Variants in SUMF1 observed in about 807,000 individuals in gnomAD.
SUMF1 encodes sulfatase modifying factor 1, also known as formylglycine-generating enzyme.
In SUMF1, 48 loss-of-function variants were observed where a neutral mutation model predicts 47.6. The ratio of observed to expected loss-of-function variants is 1.01; its 90% CI spans 0.80 to 1.28. The LOEUF is 1.28. Ranked by LOEUF, SUMF1 falls within the 50% of genes most tolerant of loss-of-function variation. SUMF1 has a pLI of 0.00. For synonymous variants in SUMF1, 230 were observed against 192.1 expected (o/e 1.20, Z -1.63); for missense variants, 571 against 485.4 (o/e 1.18, Z -1.66).
chr3:4,303,694 C>A (rs1238839331), intron 8 of SUMF1: 2 of 1,500,096 alleles, frequency 1.3e-6, no homozygotes, highest in South Asian at 2.5e-5. Context: ...GGGCCTTTTT[C>A]TGTTGACCCA....
chr3:4,445,630 C>T (rs1702755159), intron 3 of SUMF1, among the ~76,000 whole-genome samples: 1 of 152,176 alleles, frequency 6.6e-6, no homozygotes, highest in African/African-American at 2.4e-5. Flanking sequence ...TGGGCATGAG[C>T]CACCATGCCT....
In SUMF1 at chr3:4,376,396, A is replaced by G; in HGVS notation, c.955-7T>C. 1.9e-6 allele frequency: 3 copies of G among 1,614,110 alleles called. No individual in the cohort carries two copies. The South Asian group carries it at 3.3e-5, about 18-fold the overall frequency. On this transcript the variant is annotated splice_polypyrimidine_tract_variant and splice_region_variant and intron_variant, in intron 7 of 8. Coordinates refer to ENST00000272902, the MANE Select transcript of SUMF1 (RefSeq NM_182760.4). ...TCCCAGAAGGGGGACCTTTCTACAG[A>G]TGAAGAAAAAAGGCTATGTTAGACC... is the stretch of plus-strand genomic sequence containing the variant.
At chr3:4,412,985 C>T (rs1338153904) in intron 6 of SUMF1, among the ~76,000 whole-genome samples, 1 of 152,108 alleles carries the variant, frequency 6.6e-6, no homozygotes, top group East Asian at 1.9e-4. Context: ...AATCAGTCTG[C>T]CTGAGGTCCT....
At chr3:4,418,441 G>A (rs1701789281) in intron 4 of SUMF1, among the ~76,000 whole-genome samples, 1 of 152,208 alleles carries the variant, frequency 6.6e-6, no homozygotes, top group African/African-American at 2.4e-5. Context: ...CTGCTAGGAG[G>A]GCCAGCAGGA....
intron 8 of SUMF1, among the ~76,000 whole-genome samples, chr3:4,069,393 A>G (rs1559443360): frequency 2.0e-5 from 3 of 152,196 alleles, no homozygotes; most frequent in African/African-American, 7.2e-5. Flanking sequence ...TTAAATATTC[A>G]GCTGTCATGG....
intron 8 of SUMF1, among the ~76,000 whole-genome samples, chr3:4,253,614 C>T (rs1696863389): frequency 6.6e-6 from 1 of 151,742 alleles, no homozygotes; most frequent in Admixed American, 6.5e-5. Context: ...GGGTCCTACG[C>T]CCAAGGAATC....
intron 8 of SUMF1, among the ~76,000 whole-genome samples, chr3:4,163,315 C>T (rs1694621465): frequency 7.5e-6 from 1 of 132,774 alleles, no homozygotes. Context: ...CCCTTTTTAA[C>T]CTTCCTTTTC....
At chr3:4,271,239 C>G (rs1697295621) in intron 8 of SUMF1, among the ~76,000 whole-genome samples, 1 of 152,044 alleles carries the variant, frequency 6.6e-6, no homozygotes, top group African/African-American at 2.4e-5. Flanking sequence ...TCCTAAAATA[C>G]AAGAAAAGGA....
intron 8 of SUMF1, among the ~76,000 whole-genome samples, chr3:4,107,909 T>A (rs1693194693): frequency 1.3e-5 from 2 of 151,994 alleles, no homozygotes; most frequent in African/African-American, 4.8e-5. Flanking sequence ...ACTAAATACA[T>A]GAGCTGTTTG....
Position 4,316,935 on chromosome 3 carries a change from G to A in SUMF1, c.1014+59395C>T, listed in dbSNP as rs1172709873. On this transcript the variant is annotated intron_variant and NMD_transcript_variant, in intron 8 of 12. Coordinates refer to the SUMF1 transcript ENST00000448413. ...GCAGCTGGCATTGGTCAACAGAAAG[G>A]GCCCAATTCTTCTCCACGACAATGC... is the stretch of plus-strand genomic sequence containing the variant. 2.6e-6 allele frequency: 4 copies of A among 1,549,298 alleles called. No individual in the cohort carries two copies. In the East Asian group the frequency reaches 9.8e-5, roughly 38 times the overall value.
chr3:4,433,211 G>A (rs1207473046), intron 3 of SUMF1, among the ~76,000 whole-genome samples: 3 of 152,174 alleles, frequency 2.0e-5, no homozygotes, highest in Non-Finnish European at 2.9e-5. Flanking sequence ...CAGAATCATT[G>A]TTACCTCTTA....
At chr3:4,225,063 T>C (rs965394440) in intron 8 of SUMF1, among the ~76,000 whole-genome samples, 4 of 152,190 alleles carry the variant, frequency 2.6e-5, no homozygotes, top group Admixed American at 6.5e-5. Flanking sequence ...GAAGTGGCCA[T>C]GTACCAAATT....
intron 8 of SUMF1, among the ~76,000 whole-genome samples, chr3:4,079,997 C>T (rs189507285): frequency 1.1e-4 from 16 of 151,902 alleles, no homozygotes; most frequent in East Asian, 1.9e-4. Context: ...CTCTGGACTT[C>T]GGTGTCCTTA....
chr3:4,325,708 C>T (rs115419119), intron 8 of SUMF1, among the ~76,000 whole-genome samples: 2,501 of 152,030 alleles, frequency 0.016, 54 homozygotes, highest in African/African-American at 0.043. Context: ...AAGGAAAGCA[C>T]AGTTTTAGTT....
chr3:4,037,745 C>G (rs926609209), intron 9 of SUMF1, among the ~76,000 whole-genome samples: 5 of 152,156 alleles, frequency 3.3e-5, no homozygotes, highest in Admixed American at 3.3e-4. Context: ...TTTGGGTTGC[C>G]AGAGTTCTTA....
chr3:4,419,282 T>A (rs961728396), intron 4 of SUMF1, among the ~76,000 whole-genome samples: 1 of 152,160 alleles, frequency 6.6e-6, no homozygotes, highest in Non-Finnish European at 1.5e-5. Flanking sequence ...GGCTTCCAAT[T>A]GAGGCTTTGA....
intron 1 of SUMF1, among the ~76,000 whole-genome samples, chr3:4,455,286 C>G (rs1294518979): frequency 6.6e-6 from 1 of 151,960 alleles, no homozygotes; most frequent in Non-Finnish European, 1.5e-5. Context: ...TACTTATAAA[C>G]AATTATATAT....
intron 8 of SUMF1, among the ~76,000 whole-genome samples, chr3:4,363,866 T>C (rs1008993100): frequency 1.4e-5 from 2 of 142,954 alleles, no homozygotes; most frequent in Non-Finnish European, 3.0e-5. Context: ...GGGTCTGTCA[T>C]AGATAGCTCT....
At chr3:4,369,163 A>C (rs1700089812) in intron 8 of SUMF1, among the ~76,000 whole-genome samples, 1 of 152,192 alleles carries the variant, frequency 6.6e-6, no homozygotes, top group Non-Finnish European at 1.5e-5. Context: ...CTACTGTAAA[A>C]ATAAAGACAG....
Sources: allele counts gnomAD v4.1 joint callset (sites outside exome capture counted in the v4.1 genomes callset), GRCh38; gene constraint gnomAD v4.1.1; transcripts MANE v1.5; gene names NCBI Gene and HGNC (gene_info 2026-07-23, HGNC 2026-07-21).